The following MCMDC2 variants were observed in gnomAD, a reference collection of about 807,000 sequenced individuals.
MCMDC2 encodes the protein minichromosome maintenance domain-containing protein 2.
Under a neutral mutation model 75.8 loss-of-function variants are expected in MCMDC2, and 54 were observed. The observed-to-expected ratio is 0.71, with a 90% CI of 0.57 to 0.89. The LOEUF is 0.89. Ranked by LOEUF, MCMDC2 falls within the 40% of genes least tolerant of loss-of-function variation. The pLI, the probability that MCMDC2 is intolerant of heterozygous loss-of-function variation, is 0.00. For synonymous variants in MCMDC2, 249 were observed against 274.6 expected (o/e 0.91, Z 0.92); for missense variants, 656 against 780.4 (o/e 0.84, Z 1.90).
At position 66,874,174 on chromosome 8, in the gene MCMDC2, A is replaced by G. The variant is rs748337112; in HGVS notation, c.34A>G (p.Ile12Val). 1 of 1,608,550 alleles carries G rather than the reference A, an allele frequency of 6.2e-7. No individual in the cohort carries two copies. Among genetic ancestry groups the G allele is most frequent in the Admixed American group, 1.7e-5 (1 of 58,710 alleles). The change falls in exon 2 of 15, where the codon ATC becomes GTC. Residue 12 changes from isoleucine (I) to valine (V), a missense_variant. Ile to Val is a conservative substitution (Grantham distance 29). Coordinates refer to ENST00000422365, the MANE Select transcript of MCMDC2 (RefSeq NM_173518.5). ...SNLKMKEAAL[I>V]YLDRSGGLQK... ...TCTAAAAATGAAAGAGGCGGCCCTC[A>G]TCTATCTTGACAGAAGTGGAGGCCT...
chr8:66,904,438 G>A (rs1022671845), intron 13 of MCMDC2, among the ~76,000 whole-genome samples: 1 of 152,146 alleles, frequency 6.6e-6, no homozygotes, highest in African/African-American at 2.4e-5. Context: ...AGCTTAGATT[G>A]ATAGAATCTT....
intron 13 of MCMDC2, among the ~76,000 whole-genome samples, chr8:66,902,711 A>AAAAAAAAAAT (rs1467425752): frequency 5.9e-5 from 4 of 67,916 alleles, no homozygotes; most frequent in African/African-American, 2.9e-4. Flanking sequence ...AAAAAAAAAA[A>AAAAAAAAAAT]ATATATATAT....
At chr8:66,901,162 T>G (rs1812637982) in intron 12 of MCMDC2, 44 bp from the exon 13 acceptor site, 2 of 1,424,954 alleles carry the variant, frequency 1.4e-6, no homozygotes, top group African/African-American at 2.8e-5. Flanking sequence ...TTATATTGAT[T>G]CCATAATAAA....
chr8:66,884,288 G>A lies in MCMDC2; in HGVS notation c.1073+294G>A, dbSNP rs184781417. 1.2e-3 allele frequency: 486 copies of A among 405,762 alleles called. 1 individual carries two copies. Among genetic ancestry groups the A allele is most frequent in the Non-Finnish European group, 1.7e-3 (391 of 230,084 alleles). The allele number at this position is 405,762 out of a possible 1,614,324, so 25.1% of individuals were successfully genotyped here. A position where few individuals can be genotyped will look rare whatever the true frequency, so the allele number is the denominator to read the frequency against. On this transcript the variant is annotated intron_variant, in intron 9 of 14. Transcript: ENST00000422365. ...GCTCTGTATTCTCTTTCTGTACTTT[G>A]TTTTGAATAGTCTTCCCCCTAAGGA...
chr8:66,883,796 CCTT>C lies in MCMDC2; in HGVS notation c.876_878del (p.Leu293del). 1 of 1,613,318 alleles carries C rather than the reference CCTT, an allele frequency of 6.2e-7. No individual in the cohort carries two copies. ...AGTGACAACTTCAGGTGTCTCCTCT[CCTT>C]AACTTCCAGCTCATGCTGGAAGTTT... On this transcript the variant is annotated inframe_deletion, in exon 9 of 15. Coordinates refer to ENST00000422365, the MANE Select transcript of MCMDC2 (RefSeq NM_173518.5).
chr8:66,909,022 C>A (rs1345677835), intron 14 of MCMDC2, among the ~76,000 whole-genome samples: 4 of 152,162 alleles, frequency 2.6e-5, no homozygotes, highest in African/African-American at 4.8e-5. Context: ...AAAGGAGAGA[C>A]CAGGTGGAGG....
chr8:66,916,665 T>C (rs1368054950), intron 14 of MCMDC2, among the ~76,000 whole-genome samples: 1 of 152,006 alleles, frequency 6.6e-6, no homozygotes, highest in Non-Finnish European at 1.5e-5. Flanking sequence ...GGAGGGACTT[T>C]TAAGCTGGTT....
At position 66,921,623 on chromosome 8, in the gene MCMDC2, G is replaced by GTAT. The variant is rs1275905535; in HGVS notation, c.*2457_*2459dup. 1 of 152,176 alleles carries GTAT rather than the reference G, an allele frequency of 6.6e-6. No homozygotes were observed. Among genetic ancestry groups the GTAT allele is most frequent in the African/African-American group, 2.4e-5 (1 of 41,448 alleles). The allele number at this position is 152,176 out of a possible 1,614,324, so 9.4% of individuals were successfully genotyped here. On this transcript the variant is annotated 3_prime_UTR_variant, in exon 15 of 15. Transcript: ENST00000422365. ...TATTGCTTAGTTATTACATGTACTAGTATTAGGATGACTTTTTTGTTCACA... is the reference window on the plus strand; with the variant it reads ...TATTGCTTAGTTATTACATGTACTAGTATTATTAGGATGACTTTTTTGTTCACA...
At chr8:66,910,025 T>C (rs181139834) in intron 14 of MCMDC2, among the ~76,000 whole-genome samples, 35 of 152,332 alleles carry the variant, frequency 2.3e-4, no homozygotes, top group Non-Finnish European at 4.4e-4. Flanking sequence ...AGGCTGTTGC[T>C]TCAGAGGGTA....
intron 14 of MCMDC2, among the ~76,000 whole-genome samples, chr8:66,916,142 CT>C (rs567570430): frequency 6.7e-4 from 98 of 146,236 alleles, no homozygotes; most frequent in Admixed American, 4.9e-3. Context: ...CAGGAAGGAA[CT>C]TTTTTTTTTT....
chr8:66,905,710 GA>G (rs1306125488), intron 14 of MCMDC2, among the ~76,000 whole-genome samples: 6 of 152,172 alleles, frequency 3.9e-5, no homozygotes, highest in African/African-American at 1.2e-4. Flanking sequence ...CATAGCAAAA[GA>G]AAATCTGATC....
At chr8:66,899,266 A>G (rs931907203) in intron 12 of MCMDC2, among the ~76,000 whole-genome samples, 14 of 152,208 alleles carry the variant, frequency 9.2e-5, no homozygotes, top group Non-Finnish European at 1.5e-4. Context: ...TCCTGAGGCA[A>G]TCCCTGAAGG....
Position 66,905,243 on chromosome 8 carries a change from C to A in MCMDC2, c.1787C>A (p.Ala596Asp). 3 of 1,462,820 alleles carry A rather than the reference C, an allele frequency of 2.1e-6. No homozygotes were observed. The South Asian group carries it at 4.7e-5, about 23-fold the overall frequency. The allele number at this position is 1,462,820 out of a possible 1,614,324, so 90.6% of individuals were successfully genotyped here. A position where few individuals can be genotyped will look rare whatever the true frequency, so the allele number is the denominator to read the frequency against. Reference protein sequence around the residue: ...ALKYLVFLSEAHARLNLRNKV... With the variant: ...ALKYLVFLSEDHARLNLRNKV... ...TTTTTTAGCGTTTTCCTATCTGAAGCCCATGCACGACTGAACTTAAGGAAC... is the reference window on the plus strand; with the variant it reads ...TTTTTTAGCGTTTTCCTATCTGAAGACCATGCACGACTGAACTTAAGGAAC... Residue 596 changes from alanine (A) to aspartate (D), a missense_variant, in exon 14 of 15, where the codon GCC becomes GAC. Ala to Asp is a moderately radical substitution (Grantham distance 126). Coordinates refer to ENST00000422365, the MANE Select transcript of MCMDC2 (RefSeq NM_173518.5).
intron 10 of MCMDC2, 125 bp from the exon 11 acceptor site, chr8:66,896,045 A>G (rs1812336473): frequency 2.5e-6 from 2 of 812,720 alleles, no homozygotes; most frequent in Admixed American, 3.7e-5. Context: ...AAAACAGTCA[A>G]ATTTACTTTC....
chr8:66,897,472 A>G (rs983821641), intron 12 of MCMDC2, among the ~76,000 whole-genome samples: 2 of 152,100 alleles, frequency 1.3e-5, no homozygotes, highest in African/African-American at 4.8e-5. Flanking sequence ...GGCTATAATT[A>G]AAGAAACAAC....
intron 14 of MCMDC2, among the ~76,000 whole-genome samples, chr8:66,909,009 G>A (rs1228880913): frequency 6.6e-6 from 1 of 152,184 alleles, no homozygotes; most frequent in Non-Finnish European, 1.5e-5. Flanking sequence ...ATCCCCAAAT[G>A]TCAAAGGAGA....
chr8:66,896,326 T>C lies in MCMDC2; in HGVS notation c.1436T>C (p.Ile479Thr), dbSNP rs1360994769. The change falls in exon 11 of 15, where the codon ATT becomes ACT. Residue 479 changes from isoleucine (I) to threonine (T), a missense_variant. Ile to Thr is a moderately conservative substitution (Grantham distance 89, BLOSUM62 -1). Coordinates refer to ENST00000422365, the MANE Select transcript of MCMDC2 (RefSeq NM_173518.5). ...RRNAQKINTL[I>T]GQMDCSLIPA... ...AATGCACAGAAAATCAACACTCTAA[T>C]TGGTCAGATGGTAAGGTATATGTAT... is the stretch of plus-strand genomic sequence containing the variant. The C allele has an allele frequency of 6.2e-7, 1 of 1,606,598 alleles. No homozygotes were observed. Among genetic ancestry groups the C allele is most frequent in the African/African-American group, 1.3e-5 (1 of 74,612 alleles).
intron 10 of MCMDC2, among the ~76,000 whole-genome samples, chr8:66,893,908 C>A (rs950840177): frequency 2.0e-5 from 3 of 152,144 alleles, no homozygotes; most frequent in Non-Finnish European, 4.4e-5. Context: ...ATGTCCTCTC[C>A]CCACAAGAAC....
At chr8:66,885,205 C>T (rs1317911431) in intron 9 of MCMDC2, among the ~76,000 whole-genome samples, 6 of 151,502 alleles carry the variant, frequency 4.0e-5, no homozygotes, top group African/African-American at 7.3e-5. Flanking sequence ...TGGTGGCACG[C>T]GCCTGTAGTC....
Sources: gnomAD v4.1 joint callset for allele counts (sites outside exome capture counted in the v4.1 genomes callset) on GRCh38, gnomAD v4.1.1 for gene constraint, MANE v1.5 for transcripts, NCBI Gene and HGNC (gene_info 2026-07-23, HGNC 2026-07-21) for gene names.